Variants in LDB2 observed in about 807,000 individuals in gnomAD.
LDB2 encodes LIM domain binding 2, also known as LIM domain-binding protein 2.
Under a neutral mutation model 44.3 loss-of-function variants are expected in LDB2, and 12 were observed. The observed-to-expected ratio is 0.27, with a 90% CI of 0.17 to 0.44. LDB2 has a LOEUF of 0.44. Among genes scored for constraint, LDB2 ranks in the 20% least tolerant of loss-of-function variants. The pLI, the probability that LDB2 is intolerant of heterozygous loss-of-function variation, is 1.00. For missense variants in LDB2, 344 were observed against 473.5 expected, an observed-to-expected ratio of 0.73 and a Z score of 2.54; for synonymous variants, 164 against 174.8, an observed-to-expected ratio of 0.94 and a Z score of 0.49.
rs574448551 is a variant in LDB2 at position 16,676,445 on chromosome 4, C to T, written c.236-80570G>A. Among the ~76,000 whole-genome samples, 288 of 152,312 alleles carry T rather than the reference C, an allele frequency of 1.9e-3. 2 individuals carry two copies. The highest frequency in any genetic ancestry group is 6.8e-3 in the Middle Eastern group (2 of 292). On this transcript the variant is annotated intron_variant, in intron 2 of 7. Coordinates refer to ENST00000304523, the MANE Select transcript of LDB2 (RefSeq NM_001290.5). ...AGGGGAAGCCCCTTCGCCAAGATCA[C>T]GGAACACCCTGGGGATCTGGCCTGG...
intron 5 of LDB2, among the ~76,000 whole-genome samples, chr4:16,577,391 A>G (rs1712110662): frequency 6.6e-6 from 1 of 152,202 alleles, no homozygotes; most frequent in South Asian, 2.1e-4. Flanking sequence ...GCGCAATACA[A>G]AATCAATATA....
At chr4:16,624,941 T>A (rs1729880903) in intron 2 of LDB2, among the ~76,000 whole-genome samples, 1 of 152,194 alleles carries the variant, frequency 6.6e-6, no homozygotes, top group Non-Finnish European at 1.5e-5. Context: ...TAAAGATCAA[T>A]CACCTAGTCT....
At chr4:16,819,460 G>GAAAAAA (rs369605183) in intron 1 of LDB2, among the ~76,000 whole-genome samples, 8 of 93,434 alleles carry the variant, frequency 8.6e-5, no homozygotes, top group South Asian at 4.4e-4. Context: ...CTGCACTCAG[G>GAAAAAA]AAAAAAAAAA....
chr4:16,689,233 C>T (rs1387061400), intron 2 of LDB2, among the ~76,000 whole-genome samples: 1 of 152,174 alleles, frequency 6.6e-6, no homozygotes, highest in Non-Finnish European at 1.5e-5. Context: ...CACCCAAATC[C>T]ACAACACAGG....
intron 2 of LDB2, among the ~76,000 whole-genome samples, chr4:16,717,328 G>A (rs1757288074): frequency 6.6e-6 from 1 of 152,016 alleles, no homozygotes; most frequent in Non-Finnish European, 1.5e-5. Context: ...AAGCAGGCCT[G>A]GTTAATTGGG....
intron 2 of LDB2, among the ~76,000 whole-genome samples, chr4:16,674,808 T>A (rs1578682422): frequency 6.6e-6 from 1 of 151,134 alleles, no homozygotes; most frequent in African/African-American, 2.4e-5. Flanking sequence ...CACACACACA[T>A]ATACACAGAC....
chr4:16,617,663 GT>G (rs1313110223), intron 2 of LDB2, among the ~76,000 whole-genome samples: 1 of 152,154 alleles, frequency 6.6e-6, no homozygotes, highest in Non-Finnish European at 1.5e-5. Flanking sequence ...CACATGGAAG[GT>G]TTTGTAACTG....
chr4:16,839,756 C>A (rs554457232), intron 1 of LDB2, among the ~76,000 whole-genome samples: 2 of 152,262 alleles, frequency 1.3e-5, no homozygotes, highest in African/African-American at 4.8e-5. Flanking sequence ...TTTAGAGATA[C>A]CAACATGTCA....
chr4:16,782,929 G>T (rs1257237440), intron 1 of LDB2, among the ~76,000 whole-genome samples: 1 of 151,544 alleles, frequency 6.6e-6, no homozygotes, highest in East Asian at 1.9e-4. Context: ...AGAAGTACTT[G>T]AAAAAAAATA....
At position 16,674,323 on chromosome 4, in the gene LDB2, C is replaced by T. The variant is rs977574685; in HGVS notation, c.236-78448G>A. 27 of 1,218,876 alleles carry T rather than the reference C, an allele frequency of 2.2e-5. No homozygotes were observed. In the African/African-American group the frequency reaches 4.0e-4, roughly 18 times the overall value. 75.5% of individuals were successfully genotyped at this position (1,218,876 alleles called of 1,614,324 possible). A position where few individuals can be genotyped will look rare whatever the true frequency, so the allele number is the denominator to read the frequency against. On this transcript the variant is annotated intron_variant, in intron 2 of 7. Coordinates refer to ENST00000304523, the MANE Select transcript of LDB2 (RefSeq NM_001290.5). ...GCATCTGCCGCTGAATGCACAACTG[C>T]AGAAAGACAGTGCTCTTTGTCTCTG...
At chr4:16,536,108 T>C (rs141188442) in intron 5 of LDB2, among the ~76,000 whole-genome samples, 2 of 152,324 alleles carry the variant, frequency 1.3e-5, no homozygotes, top group East Asian at 3.9e-4. Context: ...GGAATGCATT[T>C]GCCCCTACAG....
intron 1 of LDB2, among the ~76,000 whole-genome samples, chr4:16,793,510 G>A (rs1335326383): frequency 3.3e-5 from 5 of 152,086 alleles, no homozygotes; most frequent in Non-Finnish European, 4.4e-5. Context: ...ATTTTTAATC[G>A]TGCAGGTCTT....
chr4:16,755,518 TGTGTGTATGTGAGA>T (rs1439810212), intron 2 of LDB2, among the ~76,000 whole-genome samples: 5 of 84,534 alleles, frequency 5.9e-5, no homozygotes, highest in East Asian at 2.8e-4. Context: ...TGTGTGTGTG[TGTGTGTATGTGAGA>T]GAGAGAGAGA....
At chr4:16,844,560 T>C (rs538508566) in intron 1 of LDB2, among the ~76,000 whole-genome samples, 3 of 152,232 alleles carry the variant, frequency 2.0e-5, no homozygotes, top group Non-Finnish European at 4.4e-5. Flanking sequence ...TTCTGCTTTT[T>C]GATGGGGTAA....
chr4:16,824,801 A>G (rs921697795), intron 1 of LDB2, among the ~76,000 whole-genome samples: 1 of 152,232 alleles, frequency 6.6e-6, no homozygotes, highest in Non-Finnish European at 1.5e-5. Flanking sequence ...CCTTAACTCA[A>G]CACATGGTTA....
At chr4:16,581,913 G>A (rs552573874) in intron 5 of LDB2, among the ~76,000 whole-genome samples, 21 of 142,930 alleles carry the variant, frequency 1.5e-4, no homozygotes, top group African/African-American at 5.0e-4. Context: ...AAAGAAAGAC[G>A]AAGGAAAGAA....
At chr4:16,505,198 C>T (rs1405673256) in intron 7 of LDB2, among the ~76,000 whole-genome samples, 1 of 152,166 alleles carries the variant, frequency 6.6e-6, no homozygotes, top group East Asian at 1.9e-4. Flanking sequence ...GGCTTGTAAT[C>T]TGTTCGGTGA....
chr4:16,755,513 GTGTGTGTGTGTA>G (rs1251590319), intron 2 of LDB2, among the ~76,000 whole-genome samples: 4 of 95,836 alleles, frequency 4.2e-5, no homozygotes, highest in East Asian at 5.0e-4. Flanking sequence ...GTGTGTGTGT[GTGTGTGTGTGTA>G]TGTGAGAGAG....
At chr4:16,813,450 C>G (rs926498304) in intron 1 of LDB2, among the ~76,000 whole-genome samples, 2 of 152,110 alleles carry the variant, frequency 1.3e-5, no homozygotes, top group East Asian at 3.9e-4. Flanking sequence ...CTTTAGAATA[C>G]TTGATGCAAA....
Sources: gnomAD v4.1 joint callset for allele counts (sites outside exome capture counted in the v4.1 genomes callset) on GRCh38, gnomAD v4.1.1 for gene constraint, MANE v1.5 for transcripts, NCBI Gene and HGNC (gene_info 2026-07-23, HGNC 2026-07-21) for gene names.